Variants in PRSS16 observed in about 807,000 individuals in gnomAD.
PRSS16 encodes thymus-specific serine protease.
A neutral mutation model predicts 61.7 loss-of-function variants in PRSS16; 43 were observed. That is an observed-to-expected ratio of 0.70 (90% CI 0.55 to 0.90). PRSS16 has a LOEUF of 0.90. Ranked by LOEUF, PRSS16 falls within the 40% of genes least tolerant of loss-of-function variation. PRSS16 has a pLI of 0.00. For missense variants in PRSS16, 591 were observed against 659.1 expected (o/e 0.90, Z 1.13); for synonymous variants, 273 against 285.2 (o/e 0.96, Z 0.43).
At position 27,249,200 on chromosome 6, in the gene PRSS16, C is replaced by T; in HGVS notation, c.438C>T (p.Ala146=). 6.2e-7 allele frequency: 1 copy of T among 1,613,884 alleles called. No individual in the cohort carries two copies. Among genetic ancestry groups the T allele is most frequent in the South Asian group, 1.1e-5 (1 of 91,064 alleles). The part of the protein sequence containing the change: ...LSIPAGGLEM[A]QLRFLSSRLA... ...TACCTGCTGGAGGCCTGGAAATGGCCCAGCTCCGCTTCTTGTCCAGCCGCC... is the reference window on the plus strand; with the variant it reads ...TACCTGCTGGAGGCCTGGAAATGGCTCAGCTCCGCTTCTTGTCCAGCCGCC... Residue 146 remains alanine (A), a synonymous_variant, in exon 4 of 12, where the codon GCC becomes GCT. Coordinates refer to ENST00000230582, the MANE Select transcript of PRSS16 (RefSeq NM_005865.4).
intron 9 of PRSS16, chr6:27,253,745 A>G (rs1015645659): frequency 5.0e-6 from 1 of 199,498 alleles, no homozygotes; most frequent in Non-Finnish European, 1.0e-5. Context: ...TTCCACATCT[A>G]TAAAATGGGA....
rs1561774506 is a variant in PRSS16, at chr6:27,252,659, C to T, written c.1009-149C>T. The stretch of plus-strand genomic sequence containing the variant: ...TCTAACTCACAAGGACCCAGGCATC[C>T]ACCCCCTCTGACCACTGACTCCCAG... On this transcript the variant is annotated intron_variant, in intron 8 of 11. Transcript: ENST00000230582. This position sits in a 1 kb window ranked among gnomAD's most constrained non-coding sequence, Gnocchi z 4.2. The T allele has an allele frequency of 5.3e-6, 4 of 756,512 alleles. No homozygotes were observed. The highest frequency in any genetic ancestry group is 1.8e-5 in the South Asian group (1 of 55,292). 46.9% of individuals were successfully genotyped at this position (756,512 alleles called of 1,614,324 possible).
At position 27,251,483 on chromosome 6, in the gene PRSS16, G is replaced by A; in HGVS notation, c.717+219G>A. ...CCCCAGAGAGGGCGGGGTTTGGGCA[G>A]GGACAATCCTATCCGGAGGTGAGGC... On this transcript the variant is annotated intron_variant, in intron 7 of 11. Transcript: ENST00000230582. The surrounding 1 kb of genome is among the most constrained non-coding windows in gnomAD (Gnocchi z 5.6). The A allele has an allele frequency of 2.7e-6, 2 of 745,120 alleles. No individual in the cohort carries two copies. The highest frequency in any genetic ancestry group is 2.8e-5 in the East Asian group (1 of 36,264). The allele number at this position is 745,120 out of a possible 1,614,324, so 46.2% of individuals were successfully genotyped here.
chr6:27,255,591 G>A lies in PRSS16; in HGVS notation c.*276G>A. 1 of 349,378 alleles carries A rather than the reference G, an allele frequency of 2.9e-6. No homozygotes were observed. Among genetic ancestry groups the A allele is most frequent in the Non-Finnish European group, 5.4e-6 (1 of 185,792 alleles). The allele number at this position is 349,378 out of a possible 1,614,324, so 21.6% of individuals were successfully genotyped here. On this transcript the variant is annotated 3_prime_UTR_variant, in exon 12 of 12. Transcript: ENST00000230582. This position sits in a 1 kb window ranked among gnomAD's most constrained non-coding sequence, Gnocchi z 4.4. ...TGTCAAACAAATGTGACTTATGCTG[G>A]TGCCCTCGCCCTGCTGATCAGATTC...
intron 2 of PRSS16, 98 bp from the exon 3 acceptor site, chr6:27,248,749 G>A (rs1358380280): frequency 6.4e-6 from 5 of 776,018 alleles, no homozygotes; most frequent in Non-Finnish European, 1.0e-5. Flanking sequence ...AGTACATAAG[G>A]AAAGATCCAT....
Position 27,247,733 on chromosome 6 carries a change from A to G in PRSS16, c.-5A>G. 1 of 1,565,920 alleles carries G rather than the reference A, an allele frequency of 6.4e-7. No homozygotes were observed. Among genetic ancestry groups the G allele is most frequent in the Non-Finnish European group, 8.7e-7 (1 of 1,154,940 alleles). On this transcript the variant is annotated 5_prime_UTR_variant, in exon 1 of 12. Coordinates refer to ENST00000230582, the MANE Select transcript of PRSS16 (RefSeq NM_005865.4). ...CTCCTGGGGGAGAACAGAGTCCCGA[A>G]CACCATGGCCGTCTGGCTTGCCCAG...
At position 27,248,873 on chromosome 6, in the gene PRSS16, G is replaced by T. The variant is rs767863958; in HGVS notation, c.264G>T (p.Trp88Cys). The T allele has an allele frequency of 6.2e-7, 1 of 1,611,914 alleles. No individual in the cohort carries two copies. Residue 88 changes from tryptophan (W) to cysteine (C), a missense_variant, in exon 3 of 12, where the codon TGG becomes TGT. Trp to Cys is a radical substitution (Grantham distance 215, BLOSUM62 -2). Transcript: ENST00000230582. ...GTTACTGGGTGAATGACCAACATTG[G>T]GTTGGCCAGGATGGACCCATATTCC... is the stretch of plus-strand genomic sequence containing the variant. ...LQRYWVNDQH[W>C]VGQDGPIFLH...
rs1228575819 is a variant in PRSS16 at position 27,247,988 on chromosome 6, G to A, written c.177G>A (p.Val59=). 3 of 1,613,338 alleles carry A rather than the reference G, an allele frequency of 1.9e-6. No homozygotes were observed. The highest frequency in any genetic ancestry group is 3.3e-5 in the Admixed American group (2 of 59,918). The change falls in exon 2 of 12, where the codon GTG becomes GTA. Residue 59 remains valine, a synonymous_variant. Coordinates refer to ENST00000230582, the MANE Select transcript of PRSS16 (RefSeq NM_005865.4). ...CAGGTGCTGCAGCCCTCCCAAAAGT[G>A]GGGTGGCTGGAGCAACTGCTGGACC... ...LGPGAAALPK[V]GWLEQLLDPF... is the part of the protein sequence containing the mutation.
Position 27,251,305 on chromosome 6 carries a change from A to C in PRSS16, c.717+41A>C, listed in dbSNP as rs1759888420. ...TAGTCCGAGGGGGACTGGGAGGGAAAAGAGGCCTCGGATGCCAGGGAAGAG... is the reference window on the plus strand; with the variant it reads ...TAGTCCGAGGGGGACTGGGAGGGAACAGAGGCCTCGGATGCCAGGGAAGAG... On this transcript the variant is annotated intron_variant, in intron 7 of 11. Coordinates refer to ENST00000230582, the MANE Select transcript of PRSS16 (RefSeq NM_005865.4). The surrounding 1 kb of genome is among the most constrained non-coding windows in gnomAD (Gnocchi z 5.6). The C allele has an allele frequency of 6.4e-7, 1 of 1,559,340 alleles. No homozygotes were observed. Among genetic ancestry groups the C allele is most frequent in the Non-Finnish European group, 8.7e-7 (1 of 1,155,530 alleles).
Position 27,255,005 on chromosome 6 carries a change from T to C in PRSS16, c.1350T>C (p.His450=). The change falls in exon 11 of 12, where the codon CAT becomes CAC. Residue 450 remains histidine (H), a synonymous_variant. Coordinates refer to ENST00000230582, the MANE Select transcript of PRSS16 (RefSeq NM_005865.4). This position sits in a 1 kb window ranked among gnomAD's most constrained non-coding sequence, Gnocchi z 4.4. The part of the protein sequence containing the change: ...LFVNGDTDPW[H]VLSVTQALGS... ...TTCCAGGGGACACAGACCCCTGGCA[T>C]GTGCTAAGTGTAACACAGGCTTTAG... 5.6e-6 allele frequency: 9 copies of C among 1,613,274 alleles called. No individual in the cohort carries two copies. The highest frequency in any genetic ancestry group is 7.6e-6 in the Non-Finnish European group (9 of 1,179,208).
At chr6:27,254,630 G>A (rs1220257878) in intron 9 of PRSS16, 63 bp from the exon 10 acceptor site, 8 of 1,441,678 alleles carry the variant, frequency 5.5e-6, no homozygotes, top group Non-Finnish European at 7.7e-6. Context: ...CTTTGAAAAT[G>A]ATTATTGAAG....
At position 27,251,028 on chromosome 6, in the gene PRSS16, G is replaced by A; in HGVS notation, c.592-14G>A. On this transcript the variant is annotated splice_polypyrimidine_tract_variant and intron_variant, in intron 5 of 11. Transcript: ENST00000230582. The surrounding 1 kb of genome is among the most constrained non-coding windows in gnomAD (Gnocchi z 5.6). Reference sequence around the variant, plus strand: ...ACCCCTCAGCCCGCAGGCTGACGGCGTCTCCTCCCTTAGTTCCCCCATCTC... The same window carrying A: ...ACCCCTCAGCCCGCAGGCTGACGGCATCTCCTCCCTTAGTTCCCCCATCTC... 1 of 1,613,428 alleles carries A rather than the reference G, an allele frequency of 6.2e-7. No homozygotes were observed. The highest frequency in any genetic ancestry group is 8.5e-7 in the Non-Finnish European group (1 of 1,179,994).
chr6:27,252,917 G>A lies in PRSS16; in HGVS notation c.1118G>A (p.Trp373Ter). 1.9e-6 allele frequency: 3 copies of A among 1,614,148 alleles called. No homozygotes were observed. The highest frequency in any genetic ancestry group is 2.5e-6 in the Non-Finnish European group (3 of 1,180,040). ...PQLSGVGDRQWLYQTCTEFGF... is the reference protein window; with the variant it reads ...PQLSGVGDRQ ...CTGTCTGGTGTGGGTGACCGGCAGT[G>A]GTTGTATCAGACATGTACCGAGTTC... Residue 373 changes from tryptophan (W) to a stop codon, truncating the protein, a stop_gained, in exon 9 of 12, where the codon TGG becomes TAG. Transcript: ENST00000230582. LOFTEE classifies it high-confidence loss of function. The surrounding 1 kb of genome is among the most constrained non-coding windows in gnomAD (Gnocchi z 4.2).
At position 27,249,086 on chromosome 6, in the gene PRSS16, T is replaced by C. The variant is rs1183862347; in HGVS notation, c.338-14T>C. The C allele has an allele frequency of 1.0e-5, 6 of 593,456 alleles. No individual in the cohort carries two copies. The Admixed American group carries it at 1.1e-4, about 10-fold the overall frequency. 36.8% of individuals were successfully genotyped at this position (593,456 alleles called of 1,614,324 possible). On this transcript the variant is annotated splice_polypyrimidine_tract_variant and intron_variant, in intron 3 of 11. Transcript: ENST00000230582. The stretch of plus-strand genomic sequence containing the variant: ...ATCTCACCTCCCCACCCCCCACCCA[T>C]ACACTCTTCACAGGCCATCCCGCAG...
chr6:27,253,061 T>G, intron 9 of PRSS16, 112 bp downstream of exon 9: 3 of 1,377,454 alleles, frequency 2.2e-6, no homozygotes, highest in Non-Finnish European at 3.0e-6. Flanking sequence ...TCTCAGGCAC[T>G]GTGTAACCTG....
chr6:27,248,994 A>G, intron 3 of PRSS16, 48 bp downstream of exon 3: 1 of 1,547,152 alleles, frequency 6.5e-7, no homozygotes, highest in Non-Finnish European at 8.9e-7. Flanking sequence ...GGTGGGGACC[A>G]GGAAGGGGAG....
Position 27,250,771 on chromosome 6 carries a change from T to A in PRSS16, c.556T>A (p.Tyr186Asn). The change falls in exon 5 of 12, where the codon TAT (tyrosine) becomes AAT (asparagine). Residue 186 changes from tyrosine (Y) to asparagine (N), a missense_variant. Coordinates refer to ENST00000230582, the MANE Select transcript of PRSS16 (RefSeq NM_005865.4). Reference protein sequence around the residue: ...SSPWICFGGSYAGSLAAWARL... With the variant: ...SSPWICFGGSNAGSLAAWARL... ...CCCCTGGATCTGCTTCGGAGGCTCC[T>A]ATGCCGGCTCCTTGGCCGCCTGGGC... 1 of 1,613,406 alleles carries A rather than the reference T, an allele frequency of 6.2e-7. No individual in the cohort carries two copies. The highest frequency in any genetic ancestry group is 8.5e-7 in the Non-Finnish European group (1 of 1,179,734).
chr6:27,248,920 G>T lies in PRSS16; in HGVS notation c.311G>T (p.Ser104Ile), dbSNP rs5030965. The change falls in exon 3 of 12, where the codon AGC becomes ATC. Residue 104 changes from serine to isoleucine, a missense_variant. Transcript: ENST00000230582. ...PIFLHLGGEG[S>I]LGPGSVMRGH... ...TTCCTGCATCTAGGGGGTGAGGGCA[G>T]CCTTGGGCCTGGCTCAGTGATGAGA... 83,966 of 1,611,960 alleles carry T rather than the reference G, an allele frequency of 0.052. 2,677 individuals carry two copies. Among genetic ancestry groups the T allele is most frequent in the African/African-American group, 0.11 (8,315 of 74,932 alleles).
In PRSS16 at chr6:27,251,974, TCTC is replaced by T. The variant is rs757349743; in HGVS notation, c.946_948del (p.Leu316del). The T allele has an allele frequency of 7.6e-6, 12 of 1,586,882 alleles. No homozygotes were observed. Among genetic ancestry groups the T allele is most frequent in the South Asian group, 5.7e-5 (5 of 88,348 alleles). On this transcript the variant is annotated inframe_deletion, in exon 8 of 12. Transcript: ENST00000230582. The surrounding 1 kb of genome is among the most constrained non-coding windows in gnomAD (Gnocchi z 5.6). ...TAAGCGTGCGACAGCTCTGCGGACT[TCTC>T]CTCGGGGGCGGGGGCAACCGCAGCC... is the stretch of plus-strand genomic sequence containing the variant.
Sources: gnomAD v4.1 joint callset for allele counts on GRCh38, gnomAD v4.1.1 for gene constraint, Gnocchi (gnomAD v3.1) non-coding constraint, MANE v1.5 for transcripts, NCBI Gene and HGNC (gene_info 2026-07-23, HGNC 2026-07-21) for gene names.